The following GPHN variants were observed in gnomAD, a reference collection of about 807,000 sequenced individuals.
The protein encoded by GPHN is gephyrin.
A neutral mutation model predicts 95.5 loss-of-function variants in GPHN; 17 were observed. That is an observed-to-expected ratio of 0.18 (90% confidence interval 0.12 to 0.27). The LOEUF is 0.27. Ranked by LOEUF, GPHN falls within the 10% of genes least tolerant of loss-of-function variation. GPHN has a pLI of 1.00. For missense variants in GPHN, 660 were observed against 978.1 expected, an observed-to-expected ratio of 0.67 and a Z score of 4.34; for synonymous variants, 320 against 322.5, an observed-to-expected ratio of 0.99 and a Z score of 0.08.
At chr14:67,410,345 C>T in the GPHN span, among the ~76,000 whole-genome samples, 1 of 152,168 alleles carries the variant, frequency 6.6e-6, no homozygotes. Flanking sequence ...CAGGGCCCAG[C>T]TATATCAACA....
At chr14:67,426,413 C>G in the GPHN span, among the ~76,000 whole-genome samples, 1 of 152,080 alleles carries the variant, frequency 6.6e-6, no homozygotes, top group African/African-American at 2.4e-5. Flanking sequence ...TGTCATGTGC[C>G]CTGTGGGAGT....
the GPHN span, among the ~76,000 whole-genome samples, chr14:67,311,817 G>T: frequency 6.6e-6 from 1 of 152,226 alleles, no homozygotes; most frequent in African/African-American, 2.4e-5. Flanking sequence ...AGCCTACATA[G>T]CATACAAATA....
the GPHN span, among the ~76,000 whole-genome samples, chr14:67,403,128 A>T: frequency 6.6e-6 from 1 of 152,190 alleles, no homozygotes; most frequent in African/African-American, 2.4e-5. Context: ...CTGGGGTGAG[A>T]TGATATCCCA....
chr14:66,936,345 C>G (rs1002703308), intron 8 of GPHN, among the ~76,000 whole-genome samples: 2 of 151,826 alleles, frequency 1.3e-5, no homozygotes, highest in African/African-American at 4.8e-5. Flanking sequence ...TGCCATTGCA[C>G]TCTATCCTGG....
the GPHN span, among the ~76,000 whole-genome samples, chr14:67,517,760 T>C: frequency 6.6e-6 from 1 of 152,222 alleles, no homozygotes; most frequent in Non-Finnish European, 1.5e-5. Flanking sequence ...GTAGGACAGC[T>C]ATTTTTATCT....
At chr14:67,674,347 C>T in the GPHN span, 15 of 1,560,708 alleles carry the variant, frequency 9.6e-6, no homozygotes, top group African/African-American at 1.4e-5. Flanking sequence ...GGCTGCGCTC[C>T]CCACGGCGTG....
the GPHN span, chr14:67,333,024 A>T: frequency 7.3e-7 from 1 of 1,361,528 alleles, no homozygotes; most frequent in Non-Finnish European, 1.0e-6. Flanking sequence ...GGACTGCCCG[A>T]CACTGCAGCA....
chr14:66,630,594 C>G (rs933309740), intron 1 of GPHN, among the ~76,000 whole-genome samples: 5 of 151,966 alleles, frequency 3.3e-5, no homozygotes, highest in African/African-American at 1.2e-4. Context: ...GCATCAGTCT[C>G]CTGAGTAGCT....
chr14:67,600,839 G>A, the GPHN span, among the ~76,000 whole-genome samples: 15,050 of 152,076 alleles, frequency 0.099, 793 homozygotes, highest in East Asian at 0.14. Context: ...TCGGCCTCCC[G>A]AAGTGCTGGG....
intron 16 of GPHN, among the ~76,000 whole-genome samples, chr14:67,120,734 G>A (rs969195905): frequency 6.6e-6 from 1 of 152,164 alleles, no homozygotes; most frequent in African/African-American, 2.4e-5. Context: ...TAATAACTGT[G>A]TTAATTAAGA....
intron 2 of GPHN, among the ~76,000 whole-genome samples, chr14:66,723,057 ATT>A (rs1177652478): frequency 2.0e-5 from 3 of 151,728 alleles, no homozygotes; most frequent in Admixed American, 6.6e-5. Context: ...TCCTGATTAG[ATT>A]TTTTTGTGTG....
intron 8 of GPHN, among the ~76,000 whole-genome samples, chr14:66,948,172 A>C (rs1340215317): frequency 6.6e-6 from 1 of 152,182 alleles, no homozygotes; most frequent in East Asian, 1.9e-4. Flanking sequence ...TTTTCCTAAA[A>C]GGCAATTACA....
chr14:66,620,085 G>A (rs8016152), intron 1 of GPHN, among the ~76,000 whole-genome samples: 47,715 of 151,944 alleles, frequency 0.31, 11,503 homozygotes, highest in African/African-American at 0.65. Context: ...TTAGAGGTTA[G>A]GCAGAGGGTT....
At chr14:66,768,434 T>C (rs996070282) in intron 2 of GPHN, among the ~76,000 whole-genome samples, 1 of 151,982 alleles carries the variant, frequency 6.6e-6, no homozygotes, top group African/African-American at 2.4e-5. Context: ...TTCTAAACAC[T>C]AGGCCAAGTT....
chr14:67,423,442 C>T, the GPHN span, among the ~76,000 whole-genome samples: 3 of 152,020 alleles, frequency 2.0e-5, no homozygotes, highest in Non-Finnish European at 4.4e-5. Flanking sequence ...TAGGCACCCA[C>T]AGTGTTGACA....
chr14:66,658,814 G>T (rs2065458632), intron 1 of GPHN, among the ~76,000 whole-genome samples: 1 of 151,576 alleles, frequency 6.6e-6, no homozygotes, highest in African/African-American at 2.4e-5. Context: ...TACTGAACAT[G>T]CAGTACCTCC....
At chr14:67,330,624 A>G in the GPHN span, among the ~76,000 whole-genome samples, 4 of 151,764 alleles carry the variant, frequency 2.6e-5, no homozygotes, top group African/African-American at 9.7e-5. Flanking sequence ...ACGCCCAGCT[A>G]ATTTTGTATT....
the GPHN span, chr14:67,446,014 G>A: frequency 1.9e-6 from 1 of 516,560 alleles, no homozygotes; most frequent in Non-Finnish European, 3.9e-6. Context: ...AGGAAAACCA[G>A]ATCTTTTGTT....
the GPHN span, chr14:67,646,401 C>A: frequency 2.1e-6 from 1 of 479,296 alleles, no homozygotes; most frequent in South Asian, 3.4e-5. Flanking sequence ...TAATGAGAAA[C>A]CAAGACAACC....
Sources: allele counts gnomAD v4.1 joint callset (sites outside exome capture counted in the v4.1 genomes callset), GRCh38; gene constraint gnomAD v4.1.1; transcripts MANE v1.5; gene names NCBI Gene and HGNC (gene_info 2026-07-23, HGNC 2026-07-21).